Variants in SNX24 observed in about 807,000 individuals in gnomAD.
SNX24 encodes the protein sorting nexin-24.
In SNX24, 22 loss-of-function variants were observed where a neutral mutation model predicts 28.7. That is an observed-to-expected ratio of 0.77 (90% CI 0.55 to 1.10). The LOEUF is 1.10. Among genes scored for constraint, SNX24 ranks in the 50% least tolerant of loss-of-function variants. The pLI, the probability that SNX24 is intolerant of heterozygous loss-of-function variation, is 0.00. For synonymous variants in SNX24, 69 were observed against 71.5 expected (o/e 0.96, Z 0.18); for missense variants, 221 against 201.1 (o/e 1.10, Z -0.60).
At chr5:122,847,489 A>T (rs1322743923) in intron 1 of SNX24, among the ~76,000 whole-genome samples, 1 of 92,890 alleles carries the variant, frequency 1.1e-5, no homozygotes, top group African/African-American at 5.2e-5. Context: ...AAACTGTTAA[A>T]ATCTCTCTCT....
intron 5 of SNX24, chr5:123,023,848 G>A: frequency 6.6e-7 from 1 of 1,521,036 alleles, no homozygotes; most frequent in Non-Finnish European, 9.0e-7. Flanking sequence ...CCCTGCCAAA[G>A]CATATCCTTG....
At chr5:122,850,018 C>T (rs930301534) in intron 1 of SNX24, among the ~76,000 whole-genome samples, 1 of 152,066 alleles carries the variant, frequency 6.6e-6, no homozygotes, top group Admixed American at 6.6e-5. Context: ...CAGCTGACTC[C>T]CCTTGAGAGC....
Position 122,925,271 on chromosome 5 carries a change from C to G in SNX24, c.61-11463C>G, listed in dbSNP as rs562900390. On this transcript the variant is annotated intron_variant, in intron 1 of 6. Transcript: ENST00000261369. ...CTCCTCCTCCTTCCTTCCCCTCCCCCTTCTCCTTTCCTTCTGAGTGAACTG... is the reference window on the plus strand; with the variant it reads ...CTCCTCCTCCTTCCTTCCCCTCCCCGTTCTCCTTTCCTTCTGAGTGAACTG... Among the ~76,000 whole-genome samples the G allele has an allele frequency of 8.5e-5, 12 of 140,536 alleles. 1 individual carries two copies. In the East Asian group the frequency reaches 2.5e-3, roughly 29 times the overall value. The allele number at this position is 140,536 out of a possible 152,430, so 92.2% of individuals were successfully genotyped here. A position where few individuals can be genotyped will look rare whatever the true frequency, so the allele number is the denominator to read the frequency against.
chr5:122,909,771 C>G (rs1047259774), intron 1 of SNX24, among the ~76,000 whole-genome samples: 3 of 152,232 alleles, frequency 2.0e-5, no homozygotes, highest in African/African-American at 7.2e-5. Flanking sequence ...GAGACCGTGT[C>G]TCTTTTGCTG....
In SNX24 at chr5:122,959,968, C is replaced by T. The variant is rs555538247; in HGVS notation, c.249+13809C>T. 3.9e-5 allele frequency among the ~76,000 whole-genome samples: 6 copies of T among 152,130 alleles called. No individual in the cohort carries two copies. In the South Asian group the frequency reaches 1.2e-3, roughly 32 times the overall value. On this transcript the variant is annotated intron_variant, in intron 3 of 6. Coordinates refer to ENST00000261369, the MANE Select transcript of SNX24 (RefSeq NM_014035.4). ...GTCTGCCTTTGACCCTTTTCAAACA[C>T]CCCTGTTGTTTAAGAAAACATTTTC... is the stretch of plus-strand genomic sequence containing the variant.
intron 3 of SNX24, among the ~76,000 whole-genome samples, chr5:122,954,825 G>A (rs972506221): frequency 5.9e-5 from 9 of 152,058 alleles, no homozygotes; most frequent in South Asian, 2.1e-4. Context: ...GTTTTCAGAA[G>A]TTTAATTTTG....
intron 1 of SNX24, among the ~76,000 whole-genome samples, chr5:122,908,224 C>CA (rs1757732021): frequency 1.3e-5 from 2 of 152,234 alleles, no homozygotes; most frequent in Admixed American, 1.3e-4. Context: ...TCTGTTCCGT[C>CA]AACTAGTTTT....
At chr5:123,014,166 G>T (rs375793548), downstream of SNX24, among the ~76,000 whole-genome samples, 2 of 151,946 alleles carry the variant, frequency 1.3e-5, no homozygotes, top group South Asian at 4.2e-4. Flanking sequence ...CAATAGAATT[G>T]TATTTATGTG....
intron 2 of SNX24, among the ~76,000 whole-genome samples, chr5:122,938,185 G>A (rs1033254764): frequency 6.6e-6 from 1 of 152,126 alleles, no homozygotes. Context: ...CCCAGAGCAC[G>A]AGGCTGCCCG....
Position 123,007,911 on chromosome 5 carries a change from ATG to A in SNX24, c.*163_*164del. ...TCAGGGCAGGGACATTTCCATTAGA[ATG>A]GTGCTCTTAAAAATAGAAACTGAAC... On this transcript the variant is annotated 3_prime_UTR_variant, in exon 7 of 7. Coordinates refer to ENST00000261369, the MANE Select transcript of SNX24 (RefSeq NM_014035.4). 5 of 1,427,830 alleles carry A rather than the reference ATG, an allele frequency of 3.5e-6. No individual in the cohort carries two copies. The highest frequency in any genetic ancestry group is 4.6e-6 in the Non-Finnish European group (5 of 1,088,594). The allele number at this position is 1,427,830 out of a possible 1,614,324, so 88.4% of individuals were successfully genotyped here.
At chr5:122,965,329 C>A in intron 3 of SNX24, 1 of 397,406 alleles carries the variant, frequency 2.5e-6, no homozygotes, top group Non-Finnish European at 5.2e-6. Context: ...TCCACTCAGG[C>A]CTAATTGCTG....
At chr5:122,914,765 C>T (rs1055779061) in intron 1 of SNX24, among the ~76,000 whole-genome samples, 1 of 152,044 alleles carries the variant, frequency 6.6e-6, no homozygotes, top group East Asian at 1.9e-4. Flanking sequence ...TTTTTTATTG[C>T]ATCTATTTGA....
At chr5:122,850,849 A>G (rs1488876383) in intron 1 of SNX24, among the ~76,000 whole-genome samples, 1 of 151,812 alleles carries the variant, frequency 6.6e-6, no homozygotes, top group Non-Finnish European at 1.5e-5. Context: ...GGCCAAGGGT[A>G]AAACCTTAGA....
intron 1 of SNX24, among the ~76,000 whole-genome samples, chr5:122,872,681 G>A (rs947622179): frequency 1.3e-5 from 2 of 151,938 alleles, no homozygotes; most frequent in African/African-American, 4.8e-5. Context: ...ATTATTTGGG[G>A]AATAATGAAC....
chr5:122,903,230 C>T (rs1410962899), intron 1 of SNX24, among the ~76,000 whole-genome samples: 1 of 152,132 alleles, frequency 6.6e-6, no homozygotes, highest in African/African-American at 2.4e-5. Flanking sequence ...ACCTCAGCCT[C>T]CCTAGTCACT....
In SNX24 at chr5:122,917,863, G is replaced by A. The variant is rs747022976; in HGVS notation, c.61-18871G>A. On this transcript the variant is annotated intron_variant, in intron 1 of 6. Coordinates refer to ENST00000261369, the MANE Select transcript of SNX24 (RefSeq NM_014035.4). ...TGGGAGGCCGAGGTGGGCGGATCACGAGGTCAGGAGATCTAGACCATCCTG... is the reference window on the plus strand; with the variant it reads ...TGGGAGGCCGAGGTGGGCGGATCACAAGGTCAGGAGATCTAGACCATCCTG... Among the ~76,000 whole-genome samples, 13 of 152,060 alleles carry A rather than the reference G, an allele frequency of 8.5e-5. No homozygotes were observed. The East Asian group carries it at 1.4e-3, about 16-fold the overall frequency.
chr5:122,876,421 T>C (rs1247780816), intron 1 of SNX24, among the ~76,000 whole-genome samples: 1 of 152,236 alleles, frequency 6.6e-6, no homozygotes, highest in Non-Finnish European at 1.5e-5. Context: ...GATAGTTCAT[T>C]TTAAGGAATA....
chr5:122,909,782 C>A (rs1757801000), intron 1 of SNX24, among the ~76,000 whole-genome samples: 1 of 152,188 alleles, frequency 6.6e-6, no homozygotes, highest in African/African-American at 2.4e-5. Context: ...TCTTTTGCTG[C>A]CCACTCAGCC....
At chr5:122,951,282 A>AG (rs1491109099) in intron 3 of SNX24, among the ~76,000 whole-genome samples, 1 of 133,932 alleles carries the variant, frequency 7.5e-6, no homozygotes, top group Non-Finnish European at 1.6e-5. Context: ...AAAAAAAAAA[A>AG]GAAAAAGAAA....
Sources: allele counts gnomAD v4.1 joint callset (sites outside exome capture counted in the v4.1 genomes callset), GRCh38; gene constraint gnomAD v4.1.1; transcripts MANE v1.5; gene names NCBI Gene and HGNC (gene_info 2026-07-23, HGNC 2026-07-21).